RBFOX1: variants seen among roughly 807,000 people sequenced by gnomAD.
The protein encoded by RBFOX1 is RNA binding fox-1 homolog 1.
In RBFOX1, 8 loss-of-function variants were observed where a neutral mutation model predicts 57.7. That is an observed-to-expected ratio of 0.14 (90% CI 0.08 to 0.25). The LOEUF (loss-of-function observed/expected upper bound fraction) is 0.25, where lower values mean the gene tolerates loss of function less well. Ranked by LOEUF, RBFOX1 falls within the 10% of genes least tolerant of loss-of-function variation. RBFOX1 has a pLI of 1.00. For missense variants in RBFOX1, 611 were observed against 548.5 expected, an observed-to-expected ratio of 1.11 and a Z score of -1.14; for synonymous variants, 326 against 222.4, an observed-to-expected ratio of 1.47 and a Z score of -4.15.
intron 2 of RBFOX1, among the ~76,000 whole-genome samples, chr16:6,409,974 G>A (rs2093404523): frequency 6.6e-6 from 1 of 152,112 alleles, no homozygotes; most frequent in Non-Finnish European, 1.5e-5. Flanking sequence ...GCCACTGCCA[G>A]AGGCTGCTTG....
chr16:7,146,570 T>C (rs113023110), intron 4 of RBFOX1, among the ~76,000 whole-genome samples: 3 of 152,126 alleles, frequency 2.0e-5, no homozygotes, highest in African/African-American at 4.8e-5. Context: ...GGGTTTCTCA[T>C]TGAAACAAAG....
chr16:7,379,465 A>C (rs779880531), intron 4 of RBFOX1, among the ~76,000 whole-genome samples: 1 of 152,246 alleles, frequency 6.6e-6, no homozygotes, highest in African/African-American at 2.4e-5. Context: ...TTTATATAAG[A>C]AGAATGGCTT....
chr16:6,687,233 T>C (rs1399678497), intron 3 of RBFOX1, among the ~76,000 whole-genome samples: 1 of 152,100 alleles, frequency 6.6e-6, no homozygotes, highest in East Asian at 1.9e-4. Flanking sequence ...GGAGCTAAGC[T>C]ATGACTCTGC....
At position 5,725,736 on chromosome 16, in the gene RBFOX1, C is replaced by G. The variant is rs1172169810; in HGVS notation, c.318+126775C>G. ...ATCCACTGGGACATCTTTTTGCTGC[C>G]ATTCCTGCCTCCACGGAGCTTATGC... On this transcript the variant is annotated intron_variant, in intron 3 of 19. Coordinates refer to the RBFOX1 transcript ENST00000641259. 5.9e-5 allele frequency among the ~76,000 whole-genome samples: 9 copies of G among 151,892 alleles called. No individual in the cohort carries two copies. In the East Asian group the frequency reaches 1.7e-3, roughly 30 times the overall value.
chr16:5,251,630 G>T (rs1195747430), intron 1 of RBFOX1, among the ~76,000 whole-genome samples: 4 of 152,122 alleles, frequency 2.6e-5, no homozygotes, highest in Non-Finnish European at 4.4e-5. Context: ...GGCAAAACTA[G>T]CATTTGATGA....
At chr16:7,341,281 A>G (rs528807166) in intron 4 of RBFOX1, among the ~76,000 whole-genome samples, 1 of 152,312 alleles carries the variant, frequency 6.6e-6, no homozygotes, top group South Asian at 2.1e-4. Context: ...CGAGACCATT[A>G]TCTTCAGCAA....
intron 1 of RBFOX1, among the ~76,000 whole-genome samples, chr16:5,283,376 C>T (rs143831899): frequency 6.6e-6 from 1 of 152,122 alleles, no homozygotes; most frequent in African/African-American, 2.4e-5. Context: ...CCTCCAGACC[C>T]CAGAATGGTG....
At chr16:6,055,544 G>T in intron 1 of RBFOX1, among the ~76,000 whole-genome samples, 1 of 126,872 alleles carries the variant, frequency 7.9e-6, no homozygotes, top group East Asian at 2.5e-4. Context: ...AGTGAGCCAA[G>T]ATCGCACCAC....
intron 1 of RBFOX1, among the ~76,000 whole-genome samples, chr16:6,053,889 C>G (rs1338509155): frequency 6.6e-6 from 1 of 151,968 alleles, no homozygotes; most frequent in Non-Finnish European, 1.5e-5. Flanking sequence ...GAAACCCTGT[C>G]TCTGCAAAAA....
At chr16:6,903,249 G>A (rs2068917555) in intron 3 of RBFOX1, among the ~76,000 whole-genome samples, 1 of 152,182 alleles carries the variant, frequency 6.6e-6, no homozygotes, top group Non-Finnish European at 1.5e-5. Flanking sequence ...AGAGGCCATT[G>A]TAGCTGCCGC....
At chr16:6,530,150 C>A (rs574069315) in intron 2 of RBFOX1, among the ~76,000 whole-genome samples, 1 of 152,220 alleles carries the variant, frequency 6.6e-6, no homozygotes, top group African/African-American at 2.4e-5. Flanking sequence ...CTTCTTTTAT[C>A]TTAGAATGAA....
chr16:6,363,234 G>A (rs1248629172), intron 2 of RBFOX1, among the ~76,000 whole-genome samples: 5 of 152,034 alleles, frequency 3.3e-5, no homozygotes, highest in East Asian at 1.9e-4. Flanking sequence ...CTATAATGTG[G>A]CCTTCCGTTG....
chr16:7,224,717 A>G (rs1037971033), intron 4 of RBFOX1, among the ~76,000 whole-genome samples: 7 of 152,340 alleles, frequency 4.6e-5, no homozygotes, highest in Admixed American at 6.5e-5. Context: ...TCTAAAACCA[A>G]TCAATGGGAA....
chr16:5,713,597 G>A (rs968808299), intron 3 of RBFOX1, among the ~76,000 whole-genome samples: 1 of 152,094 alleles, frequency 6.6e-6, no homozygotes, highest in Non-Finnish European at 1.5e-5. Flanking sequence ...GAAATGCCCG[G>A]ATCTTTGATT....
At chr16:6,356,701 A>C (rs2087389051) in intron 2 of RBFOX1, among the ~76,000 whole-genome samples, 1 of 152,194 alleles carries the variant, frequency 6.6e-6, no homozygotes, top group South Asian at 2.1e-4. Context: ...TCCTGGATGG[A>C]ATCCTGGAAC....
intron 4 of RBFOX1, among the ~76,000 whole-genome samples, chr16:7,412,196 G>T (rs961243056): frequency 9.2e-5 from 14 of 151,846 alleles, no homozygotes; most frequent in African/African-American, 3.4e-4. Flanking sequence ...TACTTTGGAG[G>T]ACTACCTGAG....
At chr16:7,705,048 G>A (rs72778528) in intron 14 of RBFOX1, among the ~76,000 whole-genome samples, 2,569 of 126,782 alleles carry the variant, frequency 0.02, no homozygotes, top group Middle Eastern at 0.027. Flanking sequence ...TGTCTCAAAA[G>A]AAAAAAAAAA....
chr16:5,887,281 C>T (rs1029252962), intron 4 of RBFOX1, among the ~76,000 whole-genome samples: 2 of 152,174 alleles, frequency 1.3e-5, no homozygotes, highest in Non-Finnish European at 2.9e-5. Context: ...CCCTGGACAC[C>T]ACAGCAGCCC....
Position 6,450,828 on chromosome 16 carries a change from T to TGTATATACATATATATATATAC in RBFOX1, c.-64+133771_-64+133772insGTATATACATATATATATATAC. On this transcript the variant is annotated intron_variant, in intron 2 of 15. Coordinates refer to ENST00000550418, the MANE Select transcript of RBFOX1 (RefSeq NM_018723.4). ...ATATATATATATATACATATATATATATATATATGTGTATATATATATATA... is the reference window on the plus strand; with the variant it reads ...ATATATATATATATACATATATATATGTATATACATATATATATATACATATATATGTGTATATATATATATA... Among the ~76,000 whole-genome samples the TGTATATACATATATATATATAC allele has an allele frequency of 7.3e-5, 2 of 27,392 alleles. 1 individual carries two copies. Among genetic ancestry groups the TGTATATACATATATATATATAC allele is most frequent in the East Asian group, 3.4e-3 (2 of 590 alleles). The allele number at this position is 27,392 out of a possible 152,430, so 18.0% of individuals were successfully genotyped here.
Sources: gnomAD v4.1 joint callset for allele counts (sites outside exome capture counted in the v4.1 genomes callset) on GRCh38, gnomAD v4.1.1 for gene constraint, MANE v1.5 for transcripts, NCBI Gene and HGNC (gene_info 2026-07-23, HGNC 2026-07-21) for gene names.